Variants in MARCHF1 observed in about 807,000 individuals in gnomAD.
MARCHF1 encodes the protein E3 ubiquitin-protein ligase MARCHF1.
MARCHF1 carries 40 observed loss-of-function variants against 54.2 expected under a neutral mutation model. The ratio of observed to expected loss-of-function variants is 0.74; its 90% CI spans 0.57 to 0.96. The LOEUF (loss-of-function observed/expected upper bound fraction) is 0.96. Ranked by LOEUF, MARCHF1 falls within the 40% of genes least tolerant of loss-of-function variation. The pLI is 0.00. For synonymous variants in MARCHF1, 236 were observed against 236.3 expected (o/e 1.00, Z 0.01); for missense variants, 586 against 656.5 (o/e 0.89, Z 1.17).
At chr4:163,839,776 T>C (rs1749287628) in intron 4 of MARCHF1, among the ~76,000 whole-genome samples, 1 of 152,078 alleles carries the variant, frequency 6.6e-6, no homozygotes. Flanking sequence ...GCTGAAAATG[T>C]TCCAGATTTA....
At chr4:163,687,322 G>A (rs570609728) in intron 5 of MARCHF1, among the ~76,000 whole-genome samples, 31 of 151,372 alleles carry the variant, frequency 2.0e-4, no homozygotes, top group Non-Finnish European at 4.0e-4. Flanking sequence ...CCACCTCCCC[G>A]GTTCAAGGGA....
intron 4 of MARCHF1, among the ~76,000 whole-genome samples, chr4:163,790,775 C>T (rs544972629): frequency 8.6e-5 from 13 of 151,924 alleles, no homozygotes; most frequent in East Asian, 1.9e-4. Flanking sequence ...ATGAGAAGTA[C>T]GGGAACAAAA....
chr4:164,183,319 G>T (rs1457446168), intron 1 of MARCHF1, among the ~76,000 whole-genome samples: 2 of 152,136 alleles, frequency 1.3e-5, no homozygotes, highest in African/African-American at 2.4e-5. Flanking sequence ...CATAAAAAGT[G>T]GTATTTGAGA....
chr4:163,544,322 T>C (rs1415013268), intron 9 of MARCHF1, among the ~76,000 whole-genome samples: 3 of 152,204 alleles, frequency 2.0e-5, no homozygotes, highest in Admixed American at 2.0e-4. Context: ...TGAGTTAATA[T>C]GGAATAAATA....
At chr4:163,542,626 A>G (rs17473108) in intron 9 of MARCHF1, among the ~76,000 whole-genome samples, 20,185 of 152,214 alleles carry the variant, frequency 0.13, 1,445 homozygotes, top group East Asian at 0.16. Context: ...CTATGGGACT[A>G]CGTGGTAGGG....
At chr4:163,632,842 T>A (rs1330272845) in intron 5 of MARCHF1, among the ~76,000 whole-genome samples, 8 of 152,196 alleles carry the variant, frequency 5.3e-5, no homozygotes, top group Non-Finnish European at 1.0e-4. Flanking sequence ...GACTTAAATG[T>A]CCCTGTCTGA....
chr4:164,267,028 A>G (rs1361126929), intron 1 of MARCHF1, among the ~76,000 whole-genome samples: 3 of 152,230 alleles, frequency 2.0e-5, no homozygotes, highest in African/African-American at 7.2e-5. Flanking sequence ...ACATTCACAG[A>G]GTTTAGAAGC....
At chr4:163,879,288 A>T (rs1319298718) in intron 3 of MARCHF1, among the ~76,000 whole-genome samples, 1 of 152,184 alleles carries the variant, frequency 6.6e-6, no homozygotes, top group African/African-American at 2.4e-5. Context: ...GGGTGCTCAG[A>T]ACATCAGCAT....
At chr4:163,679,052 A>G (rs1013297350) in intron 5 of MARCHF1, among the ~76,000 whole-genome samples, 4 of 152,220 alleles carry the variant, frequency 2.6e-5, no homozygotes, top group Admixed American at 1.3e-4. Context: ...GGGATGAAGC[A>G]TCCAGTGGAG....
chr4:164,271,463 G>C (rs1213407310), intron 1 of MARCHF1, among the ~76,000 whole-genome samples: 1 of 152,156 alleles, frequency 6.6e-6, no homozygotes, highest in Non-Finnish European at 1.5e-5. Context: ...GAAAAGGCCA[G>C]GATATGGATT....
intron 1 of MARCHF1, among the ~76,000 whole-genome samples, chr4:164,133,297 C>T (rs558492263): frequency 3.9e-5 from 6 of 152,278 alleles, no homozygotes; most frequent in South Asian, 4.1e-4. Flanking sequence ...GAAAAGTCTG[C>T]CTAGTTTAAA....
At chr4:164,027,503 G>T (rs143887453) in intron 2 of MARCHF1, among the ~76,000 whole-genome samples, 4 of 150,970 alleles carry the variant, frequency 2.6e-5, no homozygotes, top group African/African-American at 7.3e-5. Context: ...AATGGGAAAT[G>T]ATTCCTTATT....
intron 4 of MARCHF1, among the ~76,000 whole-genome samples, chr4:163,725,538 T>G (rs57191202): frequency 0.025 from 3,745 of 151,752 alleles, 155 homozygotes; most frequent in African/African-American, 0.085. Context: ...ACAAAAAAAG[T>G]ATGGTAATAT....
At chr4:163,836,739 A>G (rs1238478103) in intron 4 of MARCHF1, among the ~76,000 whole-genome samples, 1 of 90,338 alleles carries the variant, frequency 1.1e-5, no homozygotes, top group Non-Finnish European at 2.5e-5. Flanking sequence ...TGTGACCCCC[A>G]ATAAACAGTG....
At chr4:163,549,333 G>C (rs1053711027) in intron 8 of MARCHF1, among the ~76,000 whole-genome samples, 7 of 152,048 alleles carry the variant, frequency 4.6e-5, no homozygotes, top group African/African-American at 1.7e-4. Context: ...TTATCCTCAA[G>C]TCTCTCGGTG....
At chr4:163,897,043 A>G (rs967562866) in intron 3 of MARCHF1, among the ~76,000 whole-genome samples, 1 of 152,184 alleles carries the variant, frequency 6.6e-6, no homozygotes, top group African/African-American at 2.4e-5. Context: ...TACAATTTTA[A>G]TATCCACATG....
At chr4:163,712,526 G>A (rs889402547) in intron 4 of MARCHF1, among the ~76,000 whole-genome samples, 4 of 152,186 alleles carry the variant, frequency 2.6e-5, no homozygotes, top group East Asian at 1.9e-4. Context: ...TTGTGAGGTC[G>A]TTACTTCAAA....
chr4:163,591,743 A>C (rs1303170021), intron 7 of MARCHF1, among the ~76,000 whole-genome samples: 1 of 152,098 alleles, frequency 6.6e-6, no homozygotes, highest in Non-Finnish European at 1.5e-5. Flanking sequence ...TGTTTTGTTT[A>C]TGTTTCGGGA....
rs1738218657 is a variant in MARCHF1 at position 163,528,483 on chromosome 4, G to A, written c.*265C>T. On this transcript the variant is annotated 3_prime_UTR_variant, in exon 10 of 10. Transcript: ENST00000514618. ...CTGCCTAAAAGCATTCATTGCCCCAGTAGTTCTTAATTGTCTTGGAAATCA... is the reference window on the plus strand; with the variant it reads ...CTGCCTAAAAGCATTCATTGCCCCAATAGTTCTTAATTGTCTTGGAAATCA... 2 of 425,672 alleles carry A rather than the reference G, an allele frequency of 4.7e-6. No individual in the cohort carries two copies. Among genetic ancestry groups the A allele is most frequent in the African/African-American group, 4.0e-5 (2 of 49,768 alleles). 26.4% of individuals were successfully genotyped at this position (425,672 alleles called of 1,614,324 possible).
Sources: gnomAD v4.1 joint callset for allele counts (sites outside exome capture counted in the v4.1 genomes callset) on GRCh38, gnomAD v4.1.1 for gene constraint, MANE v1.5 for transcripts, NCBI Gene and HGNC (gene_info 2026-07-23, HGNC 2026-07-21) for gene names.